The following CDC27 variants were observed in gnomAD, a reference collection of about 807,000 sequenced individuals.
The protein encoded by CDC27 is cell division cycle 27.
Under a neutral mutation model 109.7 loss-of-function variants are expected in CDC27, and 27 were observed. The ratio of observed to expected loss-of-function variants is 0.25; its 90% CI spans 0.18 to 0.34. CDC27 has a LOEUF of 0.34. CDC27 is among the 10% of genes least tolerant of loss of function. CDC27 has a pLI of 1.00. For synonymous variants in CDC27, 266 were observed against 333.9 expected, an observed-to-expected ratio of 0.80 and a Z score of 2.22; for missense variants, 579 against 960.2, an observed-to-expected ratio of 0.60 and a Z score of 5.25.
At chr17:47,128,251 G>A (rs2062209748) in intron 16 of CDC27, among the ~76,000 whole-genome samples, 1 of 152,162 alleles carries the variant, frequency 6.6e-6, no homozygotes, top group East Asian at 1.9e-4. Context: ...GGCTGGTCTC[G>A]AACTTCTGAC....
At chr17:47,130,907 G>A (rs1366742735) in intron 15 of CDC27, among the ~76,000 whole-genome samples, 1 of 151,786 alleles carries the variant, frequency 6.6e-6, no homozygotes, top group Non-Finnish European at 1.5e-5. Flanking sequence ...TTAAAAAAGT[G>A]GGGTGAATGA....
chr17:47,175,399 A>C lies in CDC27; in HGVS notation c.104-3335T>G, dbSNP rs568907518. Among the ~76,000 whole-genome samples the C allele has an allele frequency of 3.3e-5, 5 of 152,356 alleles. No individual in the cohort carries two copies. In the South Asian group the frequency reaches 1.0e-3, roughly 32 times the overall value. On this transcript the variant is annotated intron_variant, in intron 2 of 18. Coordinates refer to ENST00000066544, the MANE Select transcript of CDC27 (RefSeq NM_001256.6). ...TACCTAGCCTTGATAAACTATACAA[A>C]TATCAGAGAAGCCCTCAGAGGTTAG...
rs560312576 is a variant in CDC27, at chr17:47,126,563, A to ATGGTG, written c.2161-2604_2161-2603insCACCA. On this transcript the variant is annotated intron_variant, in intron 16 of 18. Transcript: ENST00000066544. ...TCACTATATATATCATAGTCCAGAC[A>ATGGTG]ACTGATGAGATTAGAACTTGGGTTT... Among the ~76,000 whole-genome samples, 9 of 152,348 alleles carry ATGGTG rather than the reference A, an allele frequency of 5.9e-5. No individual in the cohort carries two copies. In the South Asian group the frequency reaches 1.9e-3, roughly 32 times the overall value.
intron 4 of CDC27, chr17:47,159,586 A>C (rs899388730): frequency 4.2e-6 from 2 of 471,198 alleles, no homozygotes; most frequent in Non-Finnish European, 7.6e-6. Flanking sequence ...GCACGGGGAC[A>C]ATCGAGAGTT....
chr17:47,129,307 T>C (rs150700044), intron 16 of CDC27, 86 bp downstream of exon 16: 76 of 1,058,030 alleles, frequency 7.2e-5, no homozygotes, highest in African/African-American at 4.8e-5. Flanking sequence ...CAAAATTAAA[T>C]AAATAACTTT....
chr17:47,154,808 G>C (rs1379147988), intron 7 of CDC27, 22 bp from the exon 8 acceptor site: 3 of 1,274,898 alleles, frequency 2.4e-6, no homozygotes, highest in African/African-American at 3.0e-5. Flanking sequence ...TTGAAATCAA[G>C]GTGTCAAAAA....
intron 1 of CDC27, among the ~76,000 whole-genome samples, chr17:47,188,070 T>C (rs571115139): frequency 3.3e-5 from 5 of 152,252 alleles, no homozygotes; most frequent in Admixed American, 2.6e-4. Context: ...GAAATAAATA[T>C]GAAAGTAGTG....
intron 17 of CDC27, among the ~76,000 whole-genome samples, chr17:47,123,168 G>T (rs1258746983): frequency 6.6e-6 from 1 of 151,966 alleles, no homozygotes; most frequent in Non-Finnish European, 1.5e-5. Flanking sequence ...ACTCTGACTG[G>T]AGCAATGATA....
At chr17:47,171,507 T>C (rs1259882789) in intron 3 of CDC27, among the ~76,000 whole-genome samples, 1 of 152,244 alleles carries the variant, frequency 6.6e-6, no homozygotes, top group African/African-American at 2.4e-5. Flanking sequence ...TTGGTTTAAC[T>C]GTAATGTGCA....
intron 4 of CDC27, among the ~76,000 whole-genome samples, chr17:47,166,199 G>A (rs1231898833): frequency 6.6e-6 from 1 of 152,172 alleles, no homozygotes; most frequent in Non-Finnish European, 1.5e-5. Flanking sequence ...GTGGCCTCAT[G>A]AGTAGAGGAG....
chr17:47,168,743 C>T (rs1324049268), intron 4 of CDC27, among the ~76,000 whole-genome samples: 2 of 152,000 alleles, frequency 1.3e-5, no homozygotes, highest in African/African-American at 2.4e-5. Context: ...AACATACCAC[C>T]GTTACACCTG....
intron 12 of CDC27, 133 bp downstream of exon 12, chr17:47,141,720 G>A (rs1568391519): frequency 2.1e-6 from 1 of 485,818 alleles, no homozygotes; most frequent in Non-Finnish European, 3.6e-6. Context: ...TATAAATACT[G>A]ACAAAATAAA....
intron 7 of CDC27, among the ~76,000 whole-genome samples, chr17:47,156,080 G>C (rs1401808072): frequency 2.0e-5 from 3 of 152,182 alleles, no homozygotes; most frequent in Admixed American, 2.0e-4. Context: ...CAGCCATAAA[G>C]ACAGTATTTT....
At chr17:47,123,844 G>A in intron 17 of CDC27, 42 bp downstream of exon 17, 1 of 1,333,408 alleles carries the variant, frequency 7.5e-7, no homozygotes, top group Non-Finnish European at 1.0e-6. Flanking sequence ...GTCATTATTT[G>A]CTATGAAAGT....
Position 47,176,434 on chromosome 17 carries a change from TG to T in CDC27, c.104-4371del, listed in dbSNP as rs1240527735. Among the ~76,000 whole-genome samples, 6 of 152,348 alleles carry T rather than the reference TG, an allele frequency of 3.9e-5. No homozygotes were observed. The East Asian group carries it at 1.2e-3, about 29-fold the overall frequency. On this transcript the variant is annotated intron_variant, in intron 2 of 18. Coordinates refer to ENST00000066544, the MANE Select transcript of CDC27 (RefSeq NM_001256.6). Reference sequence around the variant, plus strand: ...CAATACCAACTGGTTTTATACCTGTTGTTAATGATGGGGTTAATAGTGCTCT... The same window carrying T: ...CAATACCAACTGGTTTTATACCTGTTTTAATGATGGGGTTAATAGTGCTCT...
At chr17:47,151,366 A>G (rs201835938) in intron 9 of CDC27, among the ~76,000 whole-genome samples, 3 of 152,038 alleles carry the variant, frequency 2.0e-5, no homozygotes, top group African/African-American at 7.2e-5. Flanking sequence ...TGTTAGCTAT[A>G]ATCTATTGAG....
At chr17:47,125,956 TCAA>T (rs1489147422) in intron 16 of CDC27, among the ~76,000 whole-genome samples, 7 of 152,236 alleles carry the variant, frequency 4.6e-5, no homozygotes, top group African/African-American at 1.7e-4. Flanking sequence ...ATAATTGTTA[TCAA>T]CATTTCATGC....
chr17:47,165,749 A>C (rs1191351449), intron 4 of CDC27, among the ~76,000 whole-genome samples: 2 of 152,184 alleles, frequency 1.3e-5, no homozygotes, highest in African/African-American at 4.8e-5. Flanking sequence ...CTAGCTCATA[A>C]AGATTTTTTT....
intron 2 of CDC27, among the ~76,000 whole-genome samples, chr17:47,175,806 ACT>A (rs2063984527): frequency 6.6e-6 from 1 of 152,064 alleles, no homozygotes; most frequent in African/African-American, 2.4e-5. Context: ...ACAGAGCGAG[ACT>A]CTGTCTCAAA....
Sources: allele counts gnomAD v4.1 joint callset (sites outside exome capture counted in the v4.1 genomes callset), GRCh38; gene constraint gnomAD v4.1.1; transcripts MANE v1.5; gene names NCBI Gene and HGNC (gene_info 2026-07-23, HGNC 2026-07-21).